PAPPA2: variants seen among roughly 807,000 people sequenced by gnomAD.
PAPPA2 encodes pappalysin-2.
Under a neutral mutation model 176.4 loss-of-function variants are expected in PAPPA2, and 86 were observed. The observed-to-expected ratio is 0.49, with a 90% CI of 0.41 to 0.58. The LOEUF (loss-of-function observed/expected upper bound fraction) is 0.58, where lower values mean the gene tolerates loss of function less well. Ranked by LOEUF, PAPPA2 falls within the 20% of genes least tolerant of loss-of-function variation. The pLI, the probability that PAPPA2 is intolerant of heterozygous loss-of-function variation, is 0.00. For missense variants in PAPPA2, 2,073 were observed against 2,256.9 expected (o/e 0.92, Z 1.65); for synonymous variants, 809 against 852.2 (o/e 0.95, Z 0.88).
At chr1:176,783,400 A>G (rs1266997551) in intron 17 of PAPPA2, among the ~76,000 whole-genome samples, 1 of 152,230 alleles carries the variant, frequency 6.6e-6, no homozygotes, top group East Asian at 1.9e-4. Context: ...CAATGGTGAT[A>G]GAAGGATGGG....
At chr1:176,483,557 G>A (rs188943299) in intron 1 of PAPPA2, among the ~76,000 whole-genome samples, 120 of 136,316 alleles carry the variant, frequency 8.8e-4, no homozygotes, top group African/African-American at 3.1e-3. Context: ...TGCAATCTCC[G>A]CTTCCCGGGT....
At chr1:176,525,250 C>T (rs563019992) in intron 1 of PAPPA2, among the ~76,000 whole-genome samples, 1 of 152,284 alleles carries the variant, frequency 6.6e-6, no homozygotes, top group South Asian at 2.1e-4. Context: ...ATCAATCACT[C>T]AGTTGAGCAA....
chr1:176,471,749 C>CT (rs1651887196), intron 1 of PAPPA2, among the ~76,000 whole-genome samples: 2 of 152,188 alleles, frequency 1.3e-5, no homozygotes, highest in Non-Finnish European at 2.9e-5. Flanking sequence ...CTTTCAATCT[C>CT]TTTAAACCTA....
At chr1:176,584,075 C>T (rs1026083457) in intron 2 of PAPPA2, among the ~76,000 whole-genome samples, 1 of 152,070 alleles carries the variant, frequency 6.6e-6, no homozygotes, top group Non-Finnish European at 1.5e-5. Context: ...GTTTTGTGTC[C>T]TAATGTTTTG....
At chr1:176,603,460 G>A (rs747933749) in intron 3 of PAPPA2, among the ~76,000 whole-genome samples, 4 of 152,266 alleles carry the variant, frequency 2.6e-5, no homozygotes, top group African/African-American at 7.2e-5. Flanking sequence ...TAGGGTGGCC[G>A]TCAGGGGTTT....
At chr1:176,824,873 A>G (rs1048462660) in intron 21 of PAPPA2, among the ~76,000 whole-genome samples, 10 of 152,146 alleles carry the variant, frequency 6.6e-5, no homozygotes, top group Non-Finnish European at 1.2e-4. Flanking sequence ...GCATGTCTGA[A>G]ATGCTGTTAG....
intron 12 of PAPPA2, among the ~76,000 whole-genome samples, chr1:176,734,842 A>G (rs1007474178): frequency 2.0e-5 from 3 of 152,162 alleles, no homozygotes; most frequent in Admixed American, 6.6e-5. Context: ...CTCTAATTGG[A>G]CCACGAATGG....
chr1:176,716,538 G>A (rs138501875), intron 12 of PAPPA2, among the ~76,000 whole-genome samples: 3,999 of 150,704 alleles, frequency 0.027, 181 homozygotes, highest in African/African-American at 0.093. Context: ...GAGCCACTGC[G>A]CCCAGCCTTA....
intron 10 of PAPPA2, 152 bp from the exon 11 acceptor site, chr1:176,709,831 T>A (rs1396387014): frequency 1.6e-6 from 1 of 619,944 alleles, no homozygotes; most frequent in African/African-American, 1.8e-5. Flanking sequence ...TGTATGTGTA[T>A]CTGTGTGTTT....
chr1:176,700,053 A>T (rs1323736982), intron 8 of PAPPA2, among the ~76,000 whole-genome samples: 2 of 152,186 alleles, frequency 1.3e-5, no homozygotes, highest in African/African-American at 4.8e-5. Flanking sequence ...CTCATTCATG[A>T]TATGAGTTTC....
chr1:176,786,203 A>G (rs145647409), intron 17 of PAPPA2, among the ~76,000 whole-genome samples: 58 of 152,310 alleles, frequency 3.8e-4, no homozygotes, highest in African/African-American at 1.3e-3. Flanking sequence ...CAAACCCTTA[A>G]TTGAAAATAG....
In PAPPA2 at chr1:176,795,758, A is replaced by T. The variant is rs368055376; in HGVS notation, c.5130+2089A>T. Among the ~76,000 whole-genome samples the T allele has an allele frequency of 2.6e-4, 40 of 152,326 alleles. No individual in the cohort carries two copies. The East Asian group carries it at 7.5e-3, about 29-fold the overall frequency. On this transcript the variant is annotated intron_variant, in intron 20 of 22. Transcript: ENST00000367662. ...ATTTTTCTGGAATACCATAATTATGAATTAGTGAGGTCCAAATAAATGAGA... is the reference window on the plus strand; with the variant it reads ...ATTTTTCTGGAATACCATAATTATGTATTAGTGAGGTCCAAATAAATGAGA...
chr1:176,808,572 T>A (rs113137095), intron 21 of PAPPA2, among the ~76,000 whole-genome samples: 8 of 152,342 alleles, frequency 5.3e-5, no homozygotes, highest in South Asian at 2.1e-4. Flanking sequence ...TTATTTTTTT[T>A]AAATTGTGAC....
At chr1:176,836,908 C>T (rs1014037702) in intron 21 of PAPPA2, 7 of 152,118 alleles carry the variant, frequency 4.6e-5, no homozygotes, top group Admixed American at 2.6e-4. Flanking sequence ...ATAACAATGC[C>T]TGGCACATAT....
intron 7 of PAPPA2, among the ~76,000 whole-genome samples, chr1:176,698,441 C>G (rs1428732924): frequency 6.6e-6 from 1 of 152,142 alleles, no homozygotes; most frequent in Non-Finnish European, 1.5e-5. Context: ...ATGGAGCTGA[C>G]TTTCATAGAT....
intron 5 of PAPPA2, 60 bp from the exon 6 acceptor site, chr1:176,692,066 C>T (rs1372359301): frequency 6.7e-7 from 1 of 1,486,098 alleles, no homozygotes; most frequent in Non-Finnish European, 9.2e-7. Flanking sequence ...TTATCCCTGC[C>T]TTGGTGGACT....
Position 176,594,765 on chromosome 1 carries a change from C to T in PAPPA2, c.1161C>T (p.Ser387=), listed in dbSNP as rs370737401. The change falls in exon 3 of 23, where the codon AGC becomes AGT. Residue 387 remains serine (S), a synonymous_variant. Coordinates refer to ENST00000367662, the MANE Select transcript of PAPPA2 (RefSeq NM_020318.3). ...ATGTGGATGGCACTCAGGTGGCTAGCAGTCTAGACCAGTCTGGTCCCCTGA... is the reference window on the plus strand; with the variant it reads ...ATGTGGATGGCACTCAGGTGGCTAGTAGTCTAGACCAGTCTGGTCCCCTGA... ...ALYVDGTQVA[S]SLDQSGPLNS... 42 of 1,614,118 alleles carry T rather than the reference C, an allele frequency of 2.6e-5. No homozygotes were observed. The African/African-American group carries it at 4.8e-4, about 18-fold the overall frequency.
At chr1:176,584,823 C>T (rs1356936985) in intron 2 of PAPPA2, among the ~76,000 whole-genome samples, 1 of 152,160 alleles carries the variant, frequency 6.6e-6, no homozygotes, top group Non-Finnish European at 1.5e-5. Context: ...CAACCTCCGC[C>T]TCCCAGGTTG....
intron 20 of PAPPA2, among the ~76,000 whole-genome samples, chr1:176,796,052 C>G (rs150975588): frequency 6.6e-6 from 1 of 152,250 alleles, no homozygotes; most frequent in African/African-American, 2.4e-5. Flanking sequence ...ACTCTTCCCT[C>G]TGGCTCTTAA....
Sources: gnomAD v4.1 joint callset for allele counts (sites outside exome capture counted in the v4.1 genomes callset) on GRCh38, gnomAD v4.1.1 for gene constraint, MANE v1.5 for transcripts, NCBI Gene and HGNC (gene_info 2026-07-23, HGNC 2026-07-21) for gene names.